Variants in FLI1 observed in about 807,000 individuals in gnomAD.
FLI1 encodes the protein Friend leukemia integration 1 transcription factor.
FLI1 carries 13 observed loss-of-function variants against 53.1 expected under a neutral mutation model. The ratio of observed to expected loss-of-function variants is 0.24; its 90% CI spans 0.16 to 0.39. FLI1 has a LOEUF of 0.39. Ranked by LOEUF, FLI1 falls within the 10% of genes least tolerant of loss-of-function variation. The pLI is 1.00. For missense variants in FLI1, 424 were observed against 600.5 expected, an observed-to-expected ratio of 0.71 and a Z score of 3.07; for synonymous variants, 244 against 236.7, an observed-to-expected ratio of 1.03 and a Z score of -0.28.
chr11:128,796,180 A>G (rs1430542994), intron 5 of FLI1, among the ~76,000 whole-genome samples: 3 of 152,190 alleles, frequency 2.0e-5, no homozygotes, highest in Non-Finnish European at 4.4e-5. Context: ...TCTTCCCATG[A>G]AGATCTTTAA....
At chr11:128,800,607 C>T (rs1457533397) in intron 5 of FLI1, among the ~76,000 whole-genome samples, 2 of 150,982 alleles carry the variant, frequency 1.3e-5, no homozygotes, top group Non-Finnish European at 3.0e-5. Context: ...AAACAGCTTT[C>T]GCCTTCCAAC....
At chr11:128,777,789 C>T (rs1941782432) in intron 4 of FLI1, among the ~76,000 whole-genome samples, 2 of 152,258 alleles carry the variant, frequency 1.3e-5, no homozygotes, top group African/African-American at 4.8e-5. Flanking sequence ...CTGGTGAATT[C>T]TATGGTCACA....
At chr11:128,774,328 T>A (rs1941669090) in intron 4 of FLI1, among the ~76,000 whole-genome samples, 1 of 152,192 alleles carries the variant, frequency 6.6e-6, no homozygotes, top group South Asian at 2.1e-4. Context: ...AATTACCTCA[T>A]GTCTGAGTCT....
At chr11:128,696,294 G>A (rs1313450156) in intron 1 of FLI1, among the ~76,000 whole-genome samples, 36 of 152,208 alleles carry the variant, frequency 2.4e-4, no homozygotes, top group Non-Finnish European at 5.9e-5. Context: ...CAGTCTCCAA[G>A]CATTCTGCAA....
intron 4 of FLI1, among the ~76,000 whole-genome samples, chr11:128,778,904 TGA>T (rs1276882608): frequency 1.0e-3 from 153 of 152,244 alleles, no homozygotes; most frequent in Non-Finnish European, 1.8e-3. Context: ...GGGGAACTAA[TGA>T]AGTAGAAATC....
At chr11:128,735,641 G>T (rs1939883325) in intron 1 of FLI1, among the ~76,000 whole-genome samples, 1 of 152,176 alleles carries the variant, frequency 6.6e-6, no homozygotes, top group Admixed American at 6.5e-5. Context: ...AGATAGGAAA[G>T]GTAACTTTAT....
chr11:128,690,283 G>C (rs958179910), upstream of FLI1, among the ~76,000 whole-genome samples: 2 of 152,194 alleles, frequency 1.3e-5, no homozygotes, highest in Admixed American at 6.5e-5. Flanking sequence ...TACCCGCTGC[G>C]GCCTCGCTGG....
Position 128,810,464 on chromosome 11 carries a change from G to C in FLI1, c.835G>C (p.Gly279Arg). 6.3e-7 allele frequency: 1 copy of C among 1,592,548 alleles called. No homozygotes were observed. The highest frequency in any genetic ancestry group is 8.6e-7 in the Non-Finnish European group (1 of 1,169,090). Residue 279 changes from glycine to arginine, a missense_variant, in exon 9 of 9, where the codon GGG (glycine) becomes CGG (arginine). Coordinates refer to ENST00000527786, the MANE Select transcript of FLI1 (RefSeq NM_002017.5). This position sits in a 1 kb window ranked among gnomAD's most constrained non-coding sequence, Gnocchi z 6.6. ...TSSRLANPGS[G>R]QIQLWQFLLE... ...GTTTGCCTCACGGCGTGCAGGAAGC[G>C]GGCAGATCCAGCTGTGGCAATTCCT...
intron 1 of FLI1, among the ~76,000 whole-genome samples, chr11:128,741,301 G>C (rs1339569793): frequency 1.3e-5 from 2 of 152,214 alleles, no homozygotes; most frequent in Non-Finnish European, 2.9e-5. Context: ...GCTGAGGCAG[G>C]AGAATCGCTT....
At chr11:128,708,235 G>C (rs1938635892) in intron 1 of FLI1, among the ~76,000 whole-genome samples, 1 of 152,176 alleles carries the variant, frequency 6.6e-6, no homozygotes, top group Non-Finnish European at 1.5e-5. Context: ...TTCTTACTGT[G>C]GTCAGTTACC....
intron 1 of FLI1, among the ~76,000 whole-genome samples, chr11:128,698,608 C>T (rs968524943): frequency 1.3e-5 from 2 of 152,126 alleles, no homozygotes; most frequent in Non-Finnish European, 2.9e-5. Context: ...GGGCTCTGCA[C>T]CCTTAGGCCA....
At chr11:128,698,403 T>C (rs1372141210) in intron 1 of FLI1, among the ~76,000 whole-genome samples, 4 of 152,222 alleles carry the variant, frequency 2.6e-5, no homozygotes, top group Non-Finnish European at 5.9e-5. Flanking sequence ...TGTGTGTGAA[T>C]AATTTCCACC....
In FLI1 at chr11:128,781,965, G is replaced by C; in HGVS notation, c.597G>C (p.Leu199=). ...SHLSYLRESS[L]LAYNTTSHTD... ...TTATGTTTTGCCTCTCAGGTTCACT[G>C]CTGGCCTATAATACAACCTCCCACA... Residue 199 remains leucine, a synonymous_variant, in exon 5 of 9, where the codon CTG becomes CTC. Transcript: ENST00000527786. 3 of 1,613,582 alleles carry C rather than the reference G, an allele frequency of 1.9e-6. No homozygotes were observed. Among genetic ancestry groups the C allele is most frequent in the Non-Finnish European group, 2.5e-6 (3 of 1,179,580 alleles).
chr11:128,714,289 A>G (rs187062792), intron 1 of FLI1, among the ~76,000 whole-genome samples: 302 of 151,792 alleles, frequency 2.0e-3, no homozygotes, highest in Non-Finnish European at 2.4e-3. Context: ...ATAAACTGCT[A>G]TCCTGATCTC....
At position 128,810,550 on chromosome 11, in the gene FLI1, G is replaced by C. The variant is rs1317217597; in HGVS notation, c.921G>C (p.Gly307=). ...ASCITWEGTN[G]EFKMTDPDEV... ...GTATCACCTGGGAGGGGACCAACGG[G>C]GAGTTCAAAATGACGGACCCCGATG... Residue 307 remains glycine (G), a synonymous_variant, in exon 9 of 9, where the codon GGG becomes GGC. Transcript: ENST00000527786. The surrounding 1 kb of genome is among the most constrained non-coding windows in gnomAD (Gnocchi z 6.6). 6.2e-7 allele frequency: 1 copy of C among 1,612,916 alleles called. No individual in the cohort carries two copies. The highest frequency in any genetic ancestry group is 2.2e-5 in the East Asian group (1 of 44,814).
chr11:128,757,072 CT>C lies in FLI1; in HGVS notation c.19-1040del, dbSNP rs1460986406. On this transcript the variant is annotated intron_variant, in intron 1 of 8. Transcript: ENST00000527786. ...TCTTTCTTTCTTTCTTTCTTTCTTT[CT>C]TTCTTTCTTTCTTTCTTTCTTTCTT... Among the ~76,000 whole-genome samples, 8 of 144,890 alleles carry C rather than the reference CT, an allele frequency of 5.5e-5. No homozygotes were observed. The South Asian group carries it at 1.7e-3, about 32-fold the overall frequency.
At chr11:128,705,389 A>C (rs959508765) in intron 1 of FLI1, among the ~76,000 whole-genome samples, 1 of 152,210 alleles carries the variant, frequency 6.6e-6, no homozygotes, top group Non-Finnish European at 1.5e-5. Flanking sequence ...TTTATAGCTC[A>C]ATAGAGAACG....
intron 2 of FLI1, among the ~76,000 whole-genome samples, chr11:128,761,620 C>T (rs1216899710): frequency 1.3e-5 from 2 of 152,148 alleles, no homozygotes; most frequent in African/African-American, 4.8e-5. Context: ...ATTTGTGTCT[C>T]TGGTGGGAAG....
chr11:128,790,426 G>A (rs935693084), intron 5 of FLI1, among the ~76,000 whole-genome samples: 1 of 152,026 alleles, frequency 6.6e-6, no homozygotes, highest in Non-Finnish European at 1.5e-5. Flanking sequence ...CCAATCCCTC[G>A]GGAACTTAGC....
Sources: gnomAD v4.1 joint callset for allele counts (sites outside exome capture counted in the v4.1 genomes callset) on GRCh38, gnomAD v4.1.1 for gene constraint, Gnocchi (gnomAD v3.1) non-coding constraint, MANE v1.5 for transcripts, NCBI Gene and HGNC (gene_info 2026-07-23, HGNC 2026-07-21) for gene names.